Variants in TBC1D4 observed in about 807,000 individuals in gnomAD.
TBC1D4 encodes the protein TBC (Tre-2, BUB2, CDC16) domain-containing protein.
A neutral mutation model predicts 142.5 loss-of-function variants in TBC1D4; 121 were observed. That is an observed-to-expected ratio of 0.85 (90% CI 0.73 to 0.99). The LOEUF (loss-of-function observed/expected upper bound fraction) is 0.99, where lower values mean the gene tolerates loss of function less well. Among genes scored for constraint, TBC1D4 ranks in the 50% least tolerant of loss-of-function variants. The pLI is 0.00. For missense variants in TBC1D4, 1,475 were observed against 1,606.6 expected, an observed-to-expected ratio of 0.92 and a Z score of 1.40; for synonymous variants, 630 against 628.2, an observed-to-expected ratio of 1.00 and a Z score of -0.04.
chr13:75,331,328 T>C (rs1879723553), intron 8 of TBC1D4, among the ~76,000 whole-genome samples: 1 of 151,422 alleles, frequency 6.6e-6, no homozygotes, highest in Non-Finnish European at 1.5e-5. Flanking sequence ...ACCCTGTCTG[T>C]ACAAAAAAAA....
At chr13:75,430,436 C>T (rs1197392360) in intron 1 of TBC1D4, among the ~76,000 whole-genome samples, 1 of 152,218 alleles carries the variant, frequency 6.6e-6, no homozygotes, top group Non-Finnish European at 1.5e-5. Flanking sequence ...GTGCCCCACC[C>T]AAGCACGTAC....
At chr13:75,339,680 C>T (rs916902064) in intron 7 of TBC1D4, among the ~76,000 whole-genome samples, 1 of 151,940 alleles carries the variant, frequency 6.6e-6, no homozygotes, top group Non-Finnish European at 1.5e-5. Context: ...GGTTCACGTG[C>T]TTCTCCTGCC....
intron 15 of TBC1D4, among the ~76,000 whole-genome samples, chr13:75,305,607 T>C (rs1049044778): frequency 1.3e-5 from 2 of 152,234 alleles, no homozygotes; most frequent in Non-Finnish European, 2.9e-5. Flanking sequence ...CACATTAGCA[T>C]AGGCTTTTAA....
At chr13:75,342,829 T>C (rs1406476388) in intron 5 of TBC1D4, among the ~76,000 whole-genome samples, 1 of 151,676 alleles carries the variant, frequency 6.6e-6, no homozygotes, top group Non-Finnish European at 1.5e-5. Flanking sequence ...AATATATATA[T>C]ATATTCTGGA....
At chr13:75,416,025 G>C (rs1440974027) in intron 1 of TBC1D4, among the ~76,000 whole-genome samples, 1 of 152,170 alleles carries the variant, frequency 6.6e-6, no homozygotes, top group Non-Finnish European at 1.5e-5. Flanking sequence ...ACTGAAATTA[G>C]GAAGCACATT....
chr13:75,289,872 C>T (rs1040296726), intron 19 of TBC1D4, among the ~76,000 whole-genome samples: 2 of 152,268 alleles, frequency 1.3e-5, no homozygotes, highest in South Asian at 2.1e-4. Context: ...GCAATGGTGT[C>T]TATACTAACA....
chr13:75,456,077 T>C (rs1887725418), intron 1 of TBC1D4, among the ~76,000 whole-genome samples: 1 of 151,980 alleles, frequency 6.6e-6, no homozygotes, highest in Non-Finnish European at 1.5e-5. Flanking sequence ...ACCATCCTCC[T>C]ACCTCAGCCC....
chr13:75,456,961 T>C (rs982927998), intron 1 of TBC1D4, among the ~76,000 whole-genome samples: 2 of 152,020 alleles, frequency 1.3e-5, no homozygotes, highest in African/African-American at 4.8e-5. Context: ...AAGGGCAAGT[T>C]TCTGCTGTAT....
At chr13:75,457,015 G>A (rs531510231) in intron 1 of TBC1D4, among the ~76,000 whole-genome samples, 30 of 152,092 alleles carry the variant, frequency 2.0e-4, no homozygotes, top group Middle Eastern at 3.4e-3. Context: ...TTGAGTAAAA[G>A]AGGTCAGACA....
intron 8 of TBC1D4, among the ~76,000 whole-genome samples, chr13:75,328,263 A>C (rs527564837): frequency 6.6e-6 from 1 of 152,342 alleles, no homozygotes; most frequent in African/African-American, 2.4e-5. Context: ...TCAGTTAAAA[A>C]CCACATGGAA....
intron 5 of TBC1D4, among the ~76,000 whole-genome samples, chr13:75,345,627 T>A (rs1193631184): frequency 6.6e-6 from 1 of 151,962 alleles, no homozygotes; most frequent in Non-Finnish European, 1.5e-5. Flanking sequence ...GCACAGTGGC[T>A]CACAACTGTA....
At chr13:75,347,022 A>G (rs1172904066) in intron 5 of TBC1D4, among the ~76,000 whole-genome samples, 4 of 152,186 alleles carry the variant, frequency 2.6e-5, no homozygotes, top group Non-Finnish European at 4.4e-5. Context: ...CACCTTCTGT[A>G]CTTACATAAA....
At chr13:75,429,476 T>C (rs550378797) in intron 1 of TBC1D4, among the ~76,000 whole-genome samples, 1 of 152,210 alleles carries the variant, frequency 6.6e-6, no homozygotes, top group Non-Finnish European at 1.5e-5. Flanking sequence ...CTGGTCTGAT[T>C]TGCAACATTT....
rs190389661 is a variant in TBC1D4, at chr13:75,303,174, G to A, written c.2753-773C>T. Among the ~76,000 whole-genome samples, 14 of 152,030 alleles carry A rather than the reference G, an allele frequency of 9.2e-5. No homozygotes were observed. The East Asian group carries it at 2.5e-3, about 27-fold the overall frequency. ...CTCTACTAAAAATACAAAAATTAGC[G>A]AGCATGGTGGCATGCACCTGTAATC... is the stretch of plus-strand genomic sequence containing the variant. On this transcript the variant is annotated intron_variant, in intron 15 of 20. Transcript: ENST00000377636.
chr13:75,320,795 G>A (rs1236762810), intron 11 of TBC1D4, among the ~76,000 whole-genome samples: 4 of 151,088 alleles, frequency 2.6e-5, no homozygotes, highest in African/African-American at 9.7e-5. Flanking sequence ...AGGCTGAGGC[G>A]GGCGGATCAC....
chr13:75,294,692 G>C (rs1259676133), intron 18 of TBC1D4, among the ~76,000 whole-genome samples, 162 bp downstream of exon 18: 1 of 152,186 alleles, frequency 6.6e-6, no homozygotes, highest in Non-Finnish European at 1.5e-5. Context: ...ATGATTTTAA[G>C]TTACTGTCAG....
intron 1 of TBC1D4, among the ~76,000 whole-genome samples, chr13:75,429,022 C>A (rs761402657): frequency 1.2e-4 from 18 of 152,200 alleles, no homozygotes; most frequent in Non-Finnish European, 2.2e-4. Context: ...CTGACCACCA[C>A]AAATTTCTCA....
rs189300651 is a variant in TBC1D4, at chr13:75,329,725, A to G, written c.1732-1899T>C. On this transcript the variant is annotated intron_variant, in intron 8 of 20. Transcript: ENST00000377636. ...GGGAACTAAATTTTTTAAAAAATGT[A>G]CATGTCCATAAATGTCATTATTCTA... Among the ~76,000 whole-genome samples the G allele has an allele frequency of 1.6e-3, 247 of 152,358 alleles. 1 individual carries two copies. The highest frequency in any genetic ancestry group is 5.1e-3 in the African/African-American group (212 of 41,594).
intron 5 of TBC1D4, 94 bp downstream of exon 5, chr13:75,349,076 C>T (rs1216873257): frequency 3.2e-6 from 5 of 1,563,398 alleles, no homozygotes; most frequent in Admixed American, 1.7e-5. Flanking sequence ...TGTTTCACAT[C>T]GAAACAAAGA....
Sources: allele counts gnomAD v4.1 joint callset (sites outside exome capture counted in the v4.1 genomes callset), GRCh38; gene constraint gnomAD v4.1.1; transcripts MANE v1.5; gene names NCBI Gene and HGNC (gene_info 2026-07-23, HGNC 2026-07-21).